The following ATXN3 variants were observed in gnomAD, a reference collection of about 807,000 sequenced individuals.
ATXN3 encodes ataxin-3.
A neutral mutation model predicts 58.2 loss-of-function variants in ATXN3; 28 were observed. The ratio of observed to expected loss-of-function variants is 0.48; its 90% confidence interval spans 0.36 to 0.66. The LOEUF is 0.66. Ranked by LOEUF, ATXN3 falls within the 30% of genes least tolerant of loss-of-function variation. ATXN3 has a pLI of 0.00. For synonymous variants in ATXN3, 113 were observed against 138.5 expected, an observed-to-expected ratio of 0.82 and a Z score of 1.29; for missense variants, 321 against 422.1, an observed-to-expected ratio of 0.76 and a Z score of 2.10.
chr14:92,070,755 TTTTTTC>T (rs1215641842), intron 10 of ATXN3, 174 bp downstream of exon 10: 118 of 1,363,846 alleles, frequency 8.7e-5, no homozygotes, highest in Middle Eastern at 7.1e-4. Context: ...TTTTTTTTTT[TTTTTTC>T]TTTTGGTAAC....
intron 9 of ATXN3, among the ~76,000 whole-genome samples, chr14:92,078,645 G>C (rs2060876661): frequency 6.6e-6 from 1 of 152,122 alleles, no homozygotes; most frequent in African/African-American, 2.4e-5. Context: ...TTACAGGTGT[G>C]AGCCACCGCG....
chr14:92,072,694 TA>T (rs33967699), intron 9 of ATXN3, among the ~76,000 whole-genome samples: 1,933 of 90,954 alleles, frequency 0.021, 14 homozygotes, highest in East Asian at 0.052. Flanking sequence ...AGCTATAGGT[TA>T]AAAAAAAAAA....
upstream of ATXN3, among the ~76,000 whole-genome samples, chr14:92,050,973 GACTCAGTTTAAAGTAGACTT>G (rs555659244): frequency 2.1e-3 from 318 of 152,298 alleles, 2 homozygotes; most frequent in African/African-American, 7.1e-3. Context: ...ATAAAGCAAA[GACTCAGTTTAAAGTAGACTT>G]TAAAATTTAG....
At chr14:92,051,948 A>G (rs1439765086), upstream of ATXN3, among the ~76,000 whole-genome samples, 1 of 150,412 alleles carries the variant, frequency 6.6e-6, no homozygotes, top group African/African-American at 2.4e-5. Flanking sequence ...GCTGGTCTCG[A>G]ACTCCTGACC....
chr14:92,081,858 T>G (rs2076546863), intron 8 of ATXN3, among the ~76,000 whole-genome samples: 1 of 152,196 alleles, frequency 6.6e-6, no homozygotes, highest in African/African-American at 2.4e-5. Flanking sequence ...ATAGTTTATA[T>G]CACTAAAAAA....
chr14:92,071,196 G>T, intron 9 of ATXN3, 143 bp from the exon 10 acceptor site: 1 of 1,238,380 alleles, frequency 8.1e-7, no homozygotes, highest in Non-Finnish European at 1.1e-6. Context: ...AGAGCAGTTA[G>T]TCTGATACAG....
chr14:92,083,019 A>G, intron 7 of ATXN3, 107 bp downstream of exon 7: 1 of 1,356,658 alleles, frequency 7.4e-7, no homozygotes, highest in South Asian at 1.5e-5. Flanking sequence ...AAGGTCCAAA[A>G]TAGAGTCGCC....
Position 92,093,354 on chromosome 14 carries a change from T to C in ATXN3, c.321-36A>G, listed in dbSNP as rs56311847. On this transcript the variant is annotated intron_variant, in intron 4 of 10. Coordinates refer to ENST00000644486, the MANE Select transcript of ATXN3 (RefSeq NM_004993.6). ...AAACAGACAATATTAACTTGAAATA[T>C]TGAATTCATATTTATGTTGTCTACT... 161 of 1,063,154 alleles carry C rather than the reference T, an allele frequency of 1.5e-4. 1 individual carries two copies. In the East Asian group the frequency reaches 1.9e-3, roughly 13 times the overall value. 65.9% of individuals were successfully genotyped at this position (1,063,154 alleles called of 1,614,324 possible). A position where few individuals can be genotyped will look rare whatever the true frequency, so the allele number is the denominator to read the frequency against.
At chr14:92,097,191 G>A (rs946398681) in intron 1 of ATXN3, among the ~76,000 whole-genome samples, 1 of 151,458 alleles carries the variant, frequency 6.6e-6, no homozygotes, top group Non-Finnish European at 1.5e-5. Context: ...TTACAGGCGT[G>A]AGCCACTGCG....
In ATXN3 at chr14:92,064,115, C is replaced by T; in HGVS notation, c.*205G>A. On this transcript the variant is annotated 3_prime_UTR_variant, in exon 11 of 11. Coordinates refer to ENST00000644486, the MANE Select transcript of ATXN3 (RefSeq NM_004993.6). ...AAACTATTTTAAATGTCTTTAATTG[C>T]TGAATGCCTCTTTGGCTAATATTTG... 1 of 378,866 alleles carries T rather than the reference C, an allele frequency of 2.6e-6. No homozygotes were observed. Among genetic ancestry groups the T allele is most frequent in the South Asian group, 7.3e-5 (1 of 13,706 alleles). The allele number at this position is 378,866 out of a possible 1,614,324, so 23.5% of individuals were successfully genotyped here.
chr14:92,079,201 A>G (rs921272378), intron 9 of ATXN3, among the ~76,000 whole-genome samples: 2 of 151,672 alleles, frequency 1.3e-5, no homozygotes, highest in African/African-American at 4.8e-5. Flanking sequence ...AAAAAAAAAA[A>G]AAAAGCAAGA....
chr14:92,102,723 G>A (rs1409749643), intron 1 of ATXN3, among the ~76,000 whole-genome samples: 1 of 152,198 alleles, frequency 6.6e-6, no homozygotes, highest in African/African-American at 2.4e-5. Context: ...CTCAGGTTAT[G>A]TCTATGTTAT....
At chr14:92,065,333 GTACTACAGTTTGTTTCAC>G (rs1566907785) in intron 10 of ATXN3, among the ~76,000 whole-genome samples, 1 of 152,206 alleles carries the variant, frequency 6.6e-6, no homozygotes, top group Non-Finnish European at 1.5e-5. Flanking sequence ...TGCTATGGAT[GTACTACAGTTTGTTTCAC>G]TGTAGGACAT....
chr14:92,103,789 T>C (rs893105017), intron 1 of ATXN3, among the ~76,000 whole-genome samples: 2 of 152,108 alleles, frequency 1.3e-5, no homozygotes, highest in Non-Finnish European at 2.9e-5. Flanking sequence ...CAAGAGGAAA[T>C]GGTTGCAAGG....
intron 9 of ATXN3, among the ~76,000 whole-genome samples, chr14:92,074,235 G>A (rs1320174769): frequency 6.6e-6 from 1 of 151,890 alleles, no homozygotes; most frequent in Non-Finnish European, 1.5e-5. Flanking sequence ...GCTGAGGCAG[G>A]AGAATTGTTT....
In ATXN3 at chr14:92,064,274, G is replaced by A. The variant is rs1221717040; in HGVS notation, c.*46C>T. On this transcript the variant is annotated 3_prime_UTR_variant, in exon 11 of 11. Coordinates refer to ENST00000644486, the MANE Select transcript of ATXN3 (RefSeq NM_004993.6). ...GTGGACCCTATGCTGTAATCACACA[G>A]GATAATGTTGGAAAGTATGAATATC... 12 of 1,374,458 alleles carry A rather than the reference G, an allele frequency of 8.7e-6. No individual in the cohort carries two copies. The highest frequency in any genetic ancestry group is 9.3e-6 in the Non-Finnish European group (9 of 972,284). 85.1% of individuals were successfully genotyped at this position (1,374,458 alleles called of 1,614,324 possible). A position where few individuals can be genotyped will look rare whatever the true frequency, so the allele number is the denominator to read the frequency against.
rs55695540 is a variant in ATXN3, at chr14:92,089,615, G to T, written c.388-798C>A. Reference sequence around the variant, plus strand: ...GGCCTCCCAAAGTGCTGGGATTACAGGTGTGAGCCACCGCGCCCGGCCCTG... The same window carrying T: ...GGCCTCCCAAAGTGCTGGGATTACATGTGTGAGCCACCGCGCCCGGCCCTG... On this transcript the variant is annotated intron_variant, in intron 5 of 10. Coordinates refer to ENST00000644486, the MANE Select transcript of ATXN3 (RefSeq NM_004993.6). 7.3e-3 allele frequency among the ~76,000 whole-genome samples: 1,116 copies of T among 152,198 alleles called. 31 individuals are homozygous for T. The South Asian group carries it at 0.075, about 10-fold the overall frequency.
chr14:92,087,954 AGT>A (rs2062954008), intron 6 of ATXN3, among the ~76,000 whole-genome samples: 2 of 152,000 alleles, frequency 1.3e-5, no homozygotes, highest in South Asian at 4.1e-4. Flanking sequence ...AAGTAGTTGA[AGT>A]AGAGAAAAAG....
At chr14:92,093,947 T>G (rs2064519424) in intron 3 of ATXN3, 116 bp from the exon 4 acceptor site, 2 of 256,560 alleles carry the variant, frequency 7.8e-6, no homozygotes, top group Non-Finnish European at 6.4e-6. Flanking sequence ...GCTATAGGTT[T>G]TTTTTTTTTT....
Sources: allele counts gnomAD v4.1 joint callset (sites outside exome capture counted in the v4.1 genomes callset), GRCh38; gene constraint gnomAD v4.1.1; transcripts MANE v1.5; gene names NCBI Gene and HGNC (gene_info 2026-07-23, HGNC 2026-07-21).